GRIN2A: variants seen among roughly 807,000 people sequenced by gnomAD.
GRIN2A encodes the protein glutamate ionotropic receptor NMDA type subunit 2A.
A neutral mutation model predicts 113.4 loss-of-function variants in GRIN2A; 22 were observed. The observed-to-expected ratio is 0.19, with a 90% CI of 0.14 to 0.28. The LOEUF is 0.28. Ranked by LOEUF, GRIN2A falls within the 10% of genes least tolerant of loss-of-function variation. GRIN2A has a pLI of 1.00. For synonymous variants in GRIN2A, 827 were observed against 738.4 expected (o/e 1.12, Z -1.94); for missense variants, 1,502 against 1,887.0 (o/e 0.80, Z 3.78).
intron 2 of GRIN2A, among the ~76,000 whole-genome samples, chr16:10,150,430 G>C (rs1475407664): frequency 6.6e-6 from 1 of 152,110 alleles, no homozygotes; most frequent in Admixed American, 6.5e-5. Context: ...GGTATCTCCT[G>C]TTTTCAGGAG....
chr16:9,900,660 AT>A (rs1312540235), intron 3 of GRIN2A, among the ~76,000 whole-genome samples: 1 of 152,220 alleles, frequency 6.6e-6, no homozygotes, highest in Non-Finnish European at 1.5e-5. Context: ...GGAATTCTGA[AT>A]GACCATTAAT....
At chr16:9,810,272 T>C (rs554785452) in intron 10 of GRIN2A, among the ~76,000 whole-genome samples, 1 of 152,180 alleles carries the variant, frequency 6.6e-6, no homozygotes, top group East Asian at 1.9e-4. Flanking sequence ...CCAGATAAAG[T>C]ACTGGGCAGC....
chr16:10,067,921 C>T (rs1397637393), intron 2 of GRIN2A, among the ~76,000 whole-genome samples: 1 of 152,230 alleles, frequency 6.6e-6, no homozygotes, highest in Non-Finnish European at 1.5e-5. Context: ...AAAGCTAAAA[C>T]AACTCCAGGC....
chr16:9,979,785 CTATATA>C (rs71157796), intron 2 of GRIN2A, among the ~76,000 whole-genome samples: 12,363 of 122,180 alleles, frequency 0.1, 841 homozygotes, highest in African/African-American at 0.12. Flanking sequence ...GACTATGGGA[CTATATA>C]TATATATATA....
At chr16:9,789,764 A>C (rs1314047516) in intron 11 of GRIN2A, among the ~76,000 whole-genome samples, 1 of 152,226 alleles carries the variant, frequency 6.6e-6, no homozygotes, top group East Asian at 1.9e-4. Context: ...TTCTCTATTC[A>C]TGCTAATGAC....
At chr16:9,831,496 G>GTTTTTTTTTTTTTTTTTTT in intron 8 of GRIN2A, among the ~76,000 whole-genome samples, 1 of 137,226 alleles carries the variant, frequency 7.3e-6, no homozygotes, top group South Asian at 2.4e-4. Context: ...CCCTGCCATT[G>GTTTTTTTTTTTTTTTTTTT]TTTTTTTTTT....
chr16:9,990,821 C>T (rs962924472), intron 2 of GRIN2A, among the ~76,000 whole-genome samples: 3 of 143,718 alleles, frequency 2.1e-5, no homozygotes, highest in African/African-American at 7.9e-5. Flanking sequence ...AATCCAAGCA[C>T]TTTGGGAGGC....
intron 10 of GRIN2A, among the ~76,000 whole-genome samples, chr16:9,820,470 C>T (rs2042261453): frequency 6.6e-6 from 1 of 152,192 alleles, no homozygotes; most frequent in Non-Finnish European, 1.5e-5. Flanking sequence ...AATGCGCTCA[C>T]TCATTAACAA....
chr16:9,849,641 C>T (rs367932818), intron 5 of GRIN2A, 115 bp downstream of exon 5: 6 of 834,708 alleles, frequency 7.2e-6, no homozygotes, highest in African/African-American at 1.7e-5. Context: ...CCTACTATAA[C>T]GACGTGTATT....
rs569491666 is a variant in GRIN2A, at chr16:9,938,471, A to G, written c.495T>C (p.Tyr165=). Residue 165 remains tyrosine (Y), a synonymous_variant, in exon 3 of 13, where the codon TAT becomes TAC. Coordinates refer to ENST00000330684, the MANE Select transcript of GRIN2A (RefSeq NM_001134407.3). ...ATVMLKIMQD[Y]DWHVFSLVTT... ...TCACCAGGGAGAAGACATGCCAGTC[A>G]TAATCCTGCATGATCTTCAGCATGA... The G allele has an allele frequency of 9.3e-6, 15 of 1,613,520 alleles. No homozygotes were observed. The highest frequency in any genetic ancestry group is 1.2e-5 in the Non-Finnish European group (14 of 1,180,000).
chr16:9,882,084 A>G (rs532545465), intron 4 of GRIN2A, among the ~76,000 whole-genome samples: 101 of 152,200 alleles, frequency 6.6e-4, no homozygotes, highest in African/African-American at 2.3e-3. Context: ...CACACACAGA[A>G]GCAAACTGAC....
chr16:10,051,707 G>A lies in GRIN2A; in HGVS notation c.415-113156C>T, dbSNP rs545742526. Among the ~76,000 whole-genome samples the A allele has an allele frequency of 2.0e-5, 3 of 152,294 alleles. No homozygotes were observed. The South Asian group carries it at 6.2e-4, about 32-fold the overall frequency. ...GAACTGCATGTACAAGAGCAAGGAG[G>A]TAGAAAATACCAGGAACGGTCACCA... On this transcript the variant is annotated intron_variant, in intron 2 of 12. Transcript: ENST00000330684.
chr16:9,865,373 CTGGGAGAA>C (rs550272175), intron 4 of GRIN2A, among the ~76,000 whole-genome samples: 321 of 152,268 alleles, frequency 2.1e-3, no homozygotes, highest in African/African-American at 7.1e-3. Flanking sequence ...TATGGAGCCA[CTGGGAGAA>C]ATGAGAATCA....
intron 2 of GRIN2A, among the ~76,000 whole-genome samples, chr16:10,061,242 A>G (rs1395131791): frequency 6.6e-6 from 1 of 152,190 alleles, no homozygotes; most frequent in Non-Finnish European, 1.5e-5. Flanking sequence ...CCATGTGCTT[A>G]AGAGTACAAC....
chr16:9,968,523 G>A (rs1426989322), intron 2 of GRIN2A, among the ~76,000 whole-genome samples: 1 of 152,090 alleles, frequency 6.6e-6, no homozygotes, highest in African/African-American at 2.4e-5. Context: ...ATGTTGGCCA[G>A]GATGGTCTCG....
rs763490638 is a variant in GRIN2A at position 9,798,370 on chromosome 16, T to C, written c.2263A>G (p.Ile755Val). The C allele has an allele frequency of 1.9e-6, 3 of 1,613,950 alleles. No individual in the cohort carries two copies. The highest frequency in any genetic ancestry group is 2.5e-6 in the Non-Finnish European group (3 of 1,179,872). The change falls in exon 11 of 13, where the codon ATC becomes GTC. Residue 755 changes from isoleucine (I) to valine (V), a missense_variant. Ile to Val is a conservative substitution (Grantham distance 29, BLOSUM62 3). Coordinates refer to ENST00000330684, the MANE Select transcript of GRIN2A (RefSeq NM_001134407.3). ...CKLVTIGSGY[I>V]FATTGYGIAL... is the part of the protein sequence containing the mutation. ...ATTCCATAACCGGTGGTGGCAAAGA[T>C]GTACCCACTCCCGATGGTCACCAGC...
At chr16:10,052,056 G>A (rs2047368973) in intron 2 of GRIN2A, among the ~76,000 whole-genome samples, 5 of 152,182 alleles carry the variant, frequency 3.3e-5, no homozygotes, top group Admixed American at 3.3e-4. Context: ...TAATGGCCTG[G>A]AAGGAAATGT....
chr16:10,130,650 G>T (rs1197601144), intron 2 of GRIN2A, among the ~76,000 whole-genome samples: 1 of 152,188 alleles, frequency 6.6e-6, no homozygotes, highest in East Asian at 1.9e-4. Flanking sequence ...AACATCACAT[G>T]ATGGAATGTT....
intron 2 of GRIN2A, among the ~76,000 whole-genome samples, chr16:10,040,174 G>C (rs2047134755): frequency 5.1e-5 from 1 of 19,622 alleles, no homozygotes; most frequent in Admixed American, 6.1e-4. Flanking sequence ...CAGTGCACAT[G>C]CATACGCCCA....
Sources: allele counts gnomAD v4.1 joint callset (sites outside exome capture counted in the v4.1 genomes callset), GRCh38; gene constraint gnomAD v4.1.1; transcripts MANE v1.5; gene names NCBI Gene and HGNC (gene_info 2026-07-23, HGNC 2026-07-21).